Variants in SAR1A observed in about 807,000 individuals in gnomAD.
SAR1A encodes small COPII coat GTPase SAR1A.
SAR1A carries 6 observed loss-of-function variants against 22.6 expected under a neutral mutation model. The ratio of observed to expected loss-of-function variants is 0.27; its 90% confidence interval spans 0.15 to 0.52. The LOEUF (loss-of-function observed/expected upper bound fraction) is 0.52. Among genes scored for constraint, SAR1A ranks in the 20% least tolerant of loss-of-function variants. The probability of loss-of-function intolerance (pLI) is 0.96; values close to 1 mark genes in which losing one functional copy is unlikely to be tolerated. For missense variants in SAR1A, 145 were observed against 245.1 expected, an observed-to-expected ratio of 0.59 and a Z score of 2.73; for synonymous variants, 70 against 82.2, an observed-to-expected ratio of 0.85 and a Z score of 0.80.
chr10:70,157,261 G>A (rs28391623), intron 5 of SAR1A, among the ~76,000 whole-genome samples: 53,419 of 151,806 alleles, frequency 0.35, 10,014 homozygotes, highest in Non-Finnish European at 0.4. Context: ...AAAACTAGCC[G>A]GGCGTGGTGG....
At chr10:70,159,098 A>C in intron 4 of SAR1A, among the ~76,000 whole-genome samples, 1 of 152,212 alleles carries the variant, frequency 6.6e-6, no homozygotes, top group Non-Finnish European at 1.5e-5. Context: ...AAAGGACACC[A>C]TATACCCATT....
intron 1 of SAR1A, chr10:70,163,590 G>A (rs78257538): frequency 0.021 from 13,065 of 623,792 alleles, 338 homozygotes; most frequent in African/African-American, 0.086. Context: ...AAATCCTAGG[G>A]CCCTGAAGAA....
At chr10:70,161,816 G>A in intron 2 of SAR1A, 42 bp downstream of exon 2, 2 of 1,612,934 alleles carry the variant, frequency 1.2e-6, no homozygotes, top group South Asian at 2.2e-5. Flanking sequence ...CTGAGGGAAA[G>A]GCACAAACTT....
In SAR1A at chr10:70,162,728, G is replaced by T. The variant is rs143013495; in HGVS notation, c.-16-797C>A. 3.3e-5 allele frequency: 5 copies of T among 152,166 alleles called. No homozygotes were observed. In the South Asian group the frequency reaches 1.0e-3, roughly 32 times the overall value. The allele number at this position is 152,166 out of a possible 1,614,324, so 9.4% of individuals were successfully genotyped here. On this transcript the variant is annotated intron_variant, in intron 1 of 6. Transcript: ENST00000373241. ...ACTTTGTGGATCCTGAGGTTTTCTG[G>T]TTTTTTTACAAATTGAAGGTTGGAA...
rs1196130529 is a variant in SAR1A at position 70,147,834 on chromosome 10, G to T, written c.*4642C>A. ...CACCACAAGCTAGACAGTTTACAAA[G>T]GTCTGCTTTATCACTGAATTGATAA... is the stretch of plus-strand genomic sequence containing the variant. On this transcript the variant is annotated 3_prime_UTR_variant, in exon 7 of 7. Transcript: ENST00000373241. The T allele has an allele frequency of 1.3e-5, 2 of 152,052 alleles. No homozygotes were observed. The highest frequency in any genetic ancestry group is 4.8e-5 in the African/African-American group (2 of 41,408). The allele number at this position is 152,052 out of a possible 1,614,324, so 9.4% of individuals were successfully genotyped here. A position where few individuals can be genotyped will look rare whatever the true frequency, so the allele number is the denominator to read the frequency against.
chr10:70,161,603 A>G lies in SAR1A; in HGVS notation c.178+16T>C. On this transcript the variant is annotated intron_variant, in intron 3 of 6. Coordinates refer to ENST00000373241, the MANE Select transcript of SAR1A (RefSeq NM_020150.5). ...CCTTTAAAGATCAAAAGGTCACCTG[A>G]TATTTTCAAACCTACTCGGATGTAG... 6.2e-7 allele frequency: 1 copy of G among 1,611,886 alleles called. No homozygotes were observed. The highest frequency in any genetic ancestry group is 8.5e-7 in the Non-Finnish European group (1 of 1,179,880).
rs571361772 is a variant in SAR1A at position 70,157,661 on chromosome 10, A to G, written c.348+103T>C. Reference sequence around the variant, plus strand: ...GTCTTTTTGCCAAATGTTAACTGGAATGACTAATTATTGGCACTACTGAGC... The same window carrying G: ...GTCTTTTTGCCAAATGTTAACTGGAGTGACTAATTATTGGCACTACTGAGC... On this transcript the variant is annotated intron_variant, in intron 5 of 6. Transcript: ENST00000373241. 10 of 729,874 alleles carry G rather than the reference A, an allele frequency of 1.4e-5. No homozygotes were observed. The South Asian group carries it at 1.9e-4, about 14-fold the overall frequency. The allele number at this position is 729,874 out of a possible 1,614,324, so 45.2% of individuals were successfully genotyped here. A position where few individuals can be genotyped will look rare whatever the true frequency, so the allele number is the denominator to read the frequency against.
chr10:70,168,425 T>A (rs1839580639), intron 1 of SAR1A, among the ~76,000 whole-genome samples: 1 of 151,994 alleles, frequency 6.6e-6, no homozygotes, highest in Non-Finnish European at 1.5e-5. Context: ...TGAAACCCCA[T>A]CTCTACTTAA....
Position 70,149,210 on chromosome 10 carries a change from G to T in SAR1A, c.*3266C>A, listed in dbSNP as rs958712263. 1 of 152,180 alleles carries T rather than the reference G, an allele frequency of 6.6e-6. No individual in the cohort carries two copies. The allele number at this position is 152,180 out of a possible 1,614,324, so 9.4% of individuals were successfully genotyped here. A position where few individuals can be genotyped will look rare whatever the true frequency, so the allele number is the denominator to read the frequency against. On this transcript the variant is annotated 3_prime_UTR_variant, in exon 7 of 7. Transcript: ENST00000373241. The stretch of plus-strand genomic sequence containing the variant: ...CTGCTTCAGCCTCCTGAGTAGCTGG[G>T]ATTAAAGGTGCGTCCCACCGTGCCT...
chr10:70,155,193 G>GT, intron 5 of SAR1A: 1 of 468,596 alleles, frequency 2.1e-6, no homozygotes, highest in South Asian at 1.6e-5. Context: ...TTCACAAATA[G>GT]TATCTATCTG....
intron 4 of SAR1A, among the ~76,000 whole-genome samples, chr10:70,158,680 T>C (rs1839426323): frequency 6.6e-6 from 1 of 151,588 alleles, no homozygotes; most frequent in South Asian, 2.1e-4. Context: ...ACTTTCCATT[T>C]TACTTTCCGT....
In SAR1A at chr10:70,152,318, T is replaced by G. The variant is rs1839335708; in HGVS notation, c.*158A>C. ...CCAACAGTGTGGAGAAGAGCACATG[T>G]CACCACTGGGCAATGAGAGAGTTGA... On this transcript the variant is annotated 3_prime_UTR_variant, in exon 7 of 7. Coordinates refer to ENST00000373241, the MANE Select transcript of SAR1A (RefSeq NM_020150.5). The G allele has an allele frequency of 7.8e-6, 7 of 895,932 alleles. No individual in the cohort carries two copies. The South Asian group carries it at 8.5e-5, about 11-fold the overall frequency. 55.5% of individuals were successfully genotyped at this position (895,932 alleles called of 1,614,324 possible).
At chr10:70,153,580 G>A (rs1403434766) in intron 6 of SAR1A, among the ~76,000 whole-genome samples, 2 of 152,128 alleles carry the variant, frequency 1.3e-5, no homozygotes, top group African/African-American at 4.8e-5. Context: ...AAATTTGAAA[G>A]ATAATCATAA....
rs1166333635 is a variant in SAR1A at position 70,151,806 on chromosome 10, C to T, written c.*670G>A. 2 of 152,726 alleles carry T rather than the reference C, an allele frequency of 1.3e-5. No homozygotes were observed. The highest frequency in any genetic ancestry group is 2.1e-4 in the South Asian group (1 of 4,854). 9.5% of individuals were successfully genotyped at this position (152,726 alleles called of 1,614,324 possible). Reference sequence around the variant, plus strand: ...TACACATTCCTTGATGAGGAATGAACCTAGCTTACCACAGTGGAAACCTGC... The same window carrying T: ...TACACATTCCTTGATGAGGAATGAATCTAGCTTACCACAGTGGAAACCTGC... On this transcript the variant is annotated 3_prime_UTR_variant, in exon 7 of 7. Transcript: ENST00000373241.
chr10:70,152,058 T>G lies in SAR1A; in HGVS notation c.*418A>C, dbSNP rs1353052137. ...TCATTAGTTTAAAAAAAAAAAAGAA[T>G]AGAAAACTCTGGACCAAGTAAATTG... is the stretch of plus-strand genomic sequence containing the variant. On this transcript the variant is annotated 3_prime_UTR_variant, in exon 7 of 7. Transcript: ENST00000373241. The G allele has an allele frequency of 9.7e-6, 2 of 205,454 alleles. No homozygotes were observed. Among genetic ancestry groups the G allele is most frequent in the South Asian group, 7.2e-5 (1 of 13,842 alleles). The allele number at this position is 205,454 out of a possible 1,614,324, so 12.7% of individuals were successfully genotyped here.
intron 1 of SAR1A, among the ~76,000 whole-genome samples, chr10:70,169,116 GAGGAT>G (rs1839591349): frequency 6.6e-6 from 1 of 152,200 alleles, no homozygotes; most frequent in Non-Finnish European, 1.5e-5. Flanking sequence ...AGATAAAGAT[GAGGAT>G]ACTCCTAGTT....
chr10:70,163,391 C>T (rs1839502006), intron 1 of SAR1A, among the ~76,000 whole-genome samples: 1 of 152,190 alleles, frequency 6.6e-6, no homozygotes, highest in African/African-American at 2.4e-5. Context: ...CTAGGACTTT[C>T]ATAGCTAGAG....
rs565421496 is a variant in SAR1A, at chr10:70,157,334, G to A, written c.348+430C>T. ...CAGAAGAATCCCTCGAACCCAGGAG[G>A]TGGAGGTTGCAGTAAGCCAAGATTG... On this transcript the variant is annotated intron_variant, in intron 5 of 6. Transcript: ENST00000373241. Among the ~76,000 whole-genome samples, 3 of 151,292 alleles carry A rather than the reference G, an allele frequency of 2.0e-5. No homozygotes were observed. In the South Asian group the frequency reaches 6.3e-4, roughly 32 times the overall value.
At position 70,159,906 on chromosome 10, in the gene SAR1A, A is replaced by C. The variant is rs1451545793; in HGVS notation, c.244+1098T>G. Among the ~76,000 whole-genome samples the C allele has an allele frequency of 2.0e-5, 3 of 152,364 alleles. 1 individual carries two copies. The highest frequency in any genetic ancestry group is 2.9e-5 in the Non-Finnish European group (2 of 68,034). On this transcript the variant is annotated intron_variant, in intron 4 of 6. Transcript: ENST00000373241. ...TGGAAACCAAAGACATAGCCTGAGT[A>C]GGCAAAAAGCACTTCTGAGGAAAGC...
Sources: gnomAD v4.1 joint callset for allele counts (sites outside exome capture counted in the v4.1 genomes callset) on GRCh38, gnomAD v4.1.1 for gene constraint, MANE v1.5 for transcripts, NCBI Gene and HGNC (gene_info 2026-07-23, HGNC 2026-07-21) for gene names.